Variants in GSDMA observed in about 807,000 individuals in gnomAD.
The protein encoded by GSDMA is gasdermin A.
A neutral mutation model predicts 54.3 loss-of-function variants in GSDMA; 55 were observed. The ratio of observed to expected loss-of-function variants is 1.01; its 90% CI spans 0.82 to 1.27. The LOEUF is 1.27. GSDMA is among the 50% of genes most tolerant of loss of function. The pLI, the probability that GSDMA is intolerant of heterozygous loss-of-function variation, is 0.00. For missense variants in GSDMA, 542 were observed against 542.6 expected, an observed-to-expected ratio of 1.00 and a Z score of 0.01; for synonymous variants, 211 against 224.7, an observed-to-expected ratio of 0.94 and a Z score of 0.54.
intron 7 of GSDMA, 33 bp downstream of exon 7, chr17:39,972,646 C>T (rs757396955): frequency 6.3e-7 from 1 of 1,595,490 alleles, no homozygotes; most frequent in Non-Finnish European, 8.6e-7. Context: ...CTGAAACTTT[C>T]TTGACTCCAA....
chr17:39,966,521 G>A, intron 3 of GSDMA, 84 bp downstream of exon 3: 8 of 1,264,632 alleles, frequency 6.3e-6, no homozygotes, highest in Non-Finnish European at 4.4e-6. Context: ...GAGCTGAAAG[G>A]TAGGACCCTT....
intron 1 of GSDMA, 48 bp from the exon 2 acceptor site, chr17:39,965,635 C>T (rs1310109819): frequency 6.8e-7 from 1 of 1,464,346 alleles, no homozygotes; most frequent in African/African-American, 1.4e-5. Context: ...GGCTCCTTGG[C>T]AGCCTTGGCA....
chr17:39,968,573 C>G (rs1979785814), intron 3 of GSDMA, among the ~76,000 whole-genome samples: 1 of 151,718 alleles, frequency 6.6e-6, no homozygotes, highest in Non-Finnish European at 1.5e-5. Flanking sequence ...GTCTCGAACT[C>G]CTGACCTCAG....
At chr17:39,967,656 G>C (rs1483217402) in intron 3 of GSDMA, among the ~76,000 whole-genome samples, 1 of 152,136 alleles carries the variant, frequency 6.6e-6, no homozygotes, top group East Asian at 1.9e-4. Flanking sequence ...GAAGCAGTCA[G>C]ACAAGGCAAG....
rs397965095 is a variant in GSDMA, at chr17:39,977,292, C to CTTTTTT, written c.*246_*251dup. 3.3e-5 allele frequency: 2 copies of CTTTTTT among 60,114 alleles called. No homozygotes were observed. The highest frequency in any genetic ancestry group is 2.9e-4 in the South Asian group (1 of 3,408). 3.7% of individuals were successfully genotyped at this position (60,114 alleles called of 1,614,324 possible). ...CTTAAATTTTCTTTACTTTTCTTTT[C>CTTTTTT]TTTTTTTTTTTTTTTTTGAGATGGA... On this transcript the variant is annotated 3_prime_UTR_variant, in exon 12 of 12. Transcript: ENST00000301659.
Position 39,965,735 on chromosome 17 carries a change from C to T in GSDMA, c.48C>T (p.Asn16=), listed in dbSNP as rs747158297. 4.3e-6 allele frequency: 7 copies of T among 1,611,890 alleles called. No homozygotes were observed. The highest frequency in any genetic ancestry group is 1.1e-5 in the South Asian group (1 of 90,524). Residue 16 remains asparagine, a synonymous_variant, in exon 2 of 12, where the codon AAC becomes AAT. Coordinates refer to ENST00000301659, the MANE Select transcript of GSDMA (RefSeq NM_178171.5). The part of the protein sequence containing the change: ...NVTRALARQL[N]PRGDLTPLDS... Reference sequence around the variant, plus strand: ...CCCGGGCCCTGGCCAGACAGCTAAACCCTCGAGGGGACCTGACACCACTTG... The same window carrying T: ...CCCGGGCCCTGGCCAGACAGCTAAATCCTCGAGGGGACCTGACACCACTTG...
intron 3 of GSDMA, among the ~76,000 whole-genome samples, chr17:39,968,418 G>A (rs1979776372): frequency 7.4e-6 from 1 of 134,272 alleles, no homozygotes. Flanking sequence ...CACGATACCA[G>A]GTCACTGCAA....
Position 39,966,321 on chromosome 17 carries a change from T to C in GSDMA, c.276T>C (p.Asp92=), listed in dbSNP as rs781106611. The C allele has an allele frequency of 1.2e-6, 2 of 1,613,840 alleles. No homozygotes were observed. Among genetic ancestry groups the C allele is most frequent in the Non-Finnish European group, 1.7e-6 (2 of 1,179,858 alleles). The change falls in exon 3 of 12, where the codon GAT becomes GAC. Residue 92 remains aspartate, a synonymous_variant. Coordinates refer to ENST00000301659, the MANE Select transcript of GSDMA (RefSeq NM_178171.5). Reference sequence around the variant, plus strand: ...TGCTGGACACCCGAGTGGAGGGAGATGTGGATGTACCAAAGACGGTGAAGG... The same window carrying C: ...TGCTGGACACCCGAGTGGAGGGAGACGTGGATGTACCAAAGACGGTGAAGG... The part of the protein sequence containing the change: ...KNMLDTRVEG[D]VDVPKTVKVK...
In GSDMA at chr17:39,968,079, G is replaced by A. The variant is rs935850624; in HGVS notation, c.392+1642G>A. On this transcript the variant is annotated intron_variant, in intron 3 of 11. Coordinates refer to ENST00000301659, the MANE Select transcript of GSDMA (RefSeq NM_178171.5). The stretch of plus-strand genomic sequence containing the variant: ...TCACCATATTGGCTAGGCTGATCTC[G>A]AACTCCTGACTTTGTGATCTGTCCG... Among the ~76,000 whole-genome samples the A allele has an allele frequency of 3.3e-5, 5 of 151,990 alleles. 1 individual carries two copies. The highest frequency in any genetic ancestry group is 2.0e-4 in the Admixed American group (3 of 15,244).
At chr17:39,965,928 G>A (rs1568127506) in intron 2 of GSDMA, 27 bp downstream of exon 2, 1 of 1,538,316 alleles carries the variant, frequency 6.5e-7, no homozygotes, top group South Asian at 1.2e-5. Flanking sequence ...GCTGGGAACT[G>A]AGGGATACTG....
intron 8 of GSDMA, 77 bp downstream of exon 8, chr17:39,973,907 T>C (rs556184506): frequency 7.8e-7 from 1 of 1,280,606 alleles, no homozygotes; most frequent in Non-Finnish European, 1.1e-6. Context: ...GAAGGCGAAG[T>C]CATTCTTTGT....
chr17:39,971,471 ATC>A (rs1235700090), intron 4 of GSDMA, 51 bp from the exon 5 acceptor site: 1 of 1,441,680 alleles, frequency 6.9e-7, no homozygotes, highest in Admixed American at 1.7e-5. Context: ...CGCTCCCAAT[ATC>A]TCATACTTAA....
intron 3 of GSDMA, among the ~76,000 whole-genome samples, chr17:39,967,725 T>G (rs1206866381): frequency 6.6e-6 from 1 of 152,196 alleles, no homozygotes; most frequent in Non-Finnish European, 1.5e-5. Context: ...CAGGCTGGAG[T>G]GCAGTGGTGC....
intron 3 of GSDMA, among the ~76,000 whole-genome samples, chr17:39,967,649 G>A (rs1979728646): frequency 1.3e-5 from 2 of 152,134 alleles, no homozygotes; most frequent in Non-Finnish European, 2.9e-5. Context: ...GGGGTTTGAA[G>A]CAGTCAGACA....
chr17:39,967,644 T>C (rs1979728493), intron 3 of GSDMA, among the ~76,000 whole-genome samples: 1 of 152,128 alleles, frequency 6.6e-6, no homozygotes, highest in Non-Finnish European at 1.5e-5. Flanking sequence ...GAACAGGGGT[T>C]TGAAGCAGTC....
Position 39,975,906 on chromosome 17 carries a change from T to C in GSDMA, c.1022-18T>C, listed in dbSNP as rs752505370. 6.3e-7 allele frequency: 1 copy of C among 1,577,082 alleles called. No individual in the cohort carries two copies. The highest frequency in any genetic ancestry group is 8.6e-7 in the Non-Finnish European group (1 of 1,159,488). On this transcript the variant is annotated intron_variant, in intron 10 of 11. Coordinates refer to ENST00000301659, the MANE Select transcript of GSDMA (RefSeq NM_178171.5). ...TCTGCACCAGCAACACACATCTTTC[T>C]CTGCTTTTTTTCTCCAGAGCTAAGT... is the stretch of plus-strand genomic sequence containing the variant.
rs142973153 is a variant in GSDMA, at chr17:39,972,443, T to C, written c.704-144T>C. On this transcript the variant is annotated intron_variant, in intron 6 of 11. Coordinates refer to ENST00000301659, the MANE Select transcript of GSDMA (RefSeq NM_178171.5). ...AGTAAGACTTGGAGACTGAGTGTGT[T>C]CCCGAATCATGGGGGTGGATGAGCT... 685 of 782,106 alleles carry C rather than the reference T, an allele frequency of 8.8e-4. 7 individuals carry two copies. In the African/African-American group the frequency reaches 0.011, roughly 12 times the overall value. 48.4% of individuals were successfully genotyped at this position (782,106 alleles called of 1,614,324 possible).
rs1245616529 is a variant in GSDMA, at chr17:39,977,222, C to T, written c.*164C>T. The T allele has an allele frequency of 4.2e-6, 3 of 722,226 alleles. No individual in the cohort carries two copies. Among genetic ancestry groups the T allele is most frequent in the Non-Finnish European group, 6.9e-6 (3 of 434,848 alleles). 44.7% of individuals were successfully genotyped at this position (722,226 alleles called of 1,614,324 possible). On this transcript the variant is annotated 3_prime_UTR_variant, in exon 12 of 12. Coordinates refer to ENST00000301659, the MANE Select transcript of GSDMA (RefSeq NM_178171.5). ...TCCACCTGCCCAACCATATATCACC[C>T]CCTACCCCTCCAGCTCCGCAACCCA...
At chr17:39,969,959 AG>A (rs1165723116) in intron 3 of GSDMA, among the ~76,000 whole-genome samples, 2 of 68,968 alleles carry the variant, frequency 2.9e-5, no homozygotes, top group East Asian at 1.8e-3. Context: ...CAAATTTGTT[AG>A]GATTAGGGAG....
Sources: allele counts gnomAD v4.1 joint callset (sites outside exome capture counted in the v4.1 genomes callset), GRCh38; gene constraint gnomAD v4.1.1; transcripts MANE v1.5; gene names NCBI Gene and HGNC (gene_info 2026-07-23, HGNC 2026-07-21).